Variants in LRRC14 observed in about 807,000 individuals in gnomAD.
LRRC14 encodes leucine-rich repeat-containing protein 14.
Under a neutral mutation model 25.3 loss-of-function variants are expected in LRRC14, and 16 were observed. That is an observed-to-expected ratio of 0.63 (90% CI 0.43 to 0.96). LRRC14 has a LOEUF of 0.96. Ranked by LOEUF, LRRC14 falls within the 40% of genes least tolerant of loss-of-function variation. The pLI is 0.00. For synonymous variants in LRRC14, 359 were observed against 295.1 expected (o/e 1.22, Z -2.22); for missense variants, 594 against 660.5 (o/e 0.90, Z 1.10).
chr8:144,522,691 T>G lies in LRRC14; in HGVS notation c.*1213T>G, dbSNP rs112652028. On this transcript the variant is annotated 3_prime_UTR_variant, in exon 4 of 4. Coordinates refer to ENST00000292524, the MANE Select transcript of LRRC14 (RefSeq NM_014665.4). ...CCAAGTAGTCGTTGACGAACAGCGC[T>G]CCCTCCCCCGGAGGCCCCCGCGCCT... is the stretch of plus-strand genomic sequence containing the variant. 4,154 of 1,595,710 alleles carry G rather than the reference T, an allele frequency of 2.6e-3. 85 individuals are homozygous for G. The African/African-American group carries it at 0.045, about 17-fold the overall frequency.
Position 144,519,827 on chromosome 8 carries a change from G to T in LRRC14, c.102G>T (p.Leu34=). The T allele has an allele frequency of 6.2e-7, 1 of 1,613,506 alleles. No homozygotes were observed. Among genetic ancestry groups the T allele is most frequent in the Non-Finnish European group, 8.5e-7 (1 of 1,180,012 alleles). Residue 34 remains leucine, a synonymous_variant, in exon 2 of 4, where the codon CTG becomes CTT. Transcript: ENST00000292524. ...TGCCACGCGAACTCTTCCCCCTGCT[G>T]TTCAAGGTGGCCTTCATGGACAAGA... ...PLLPRELFPL[L]FKVAFMDKKT...
Position 144,521,404 on chromosome 8 carries a change from G to A in LRRC14, c.1408G>A (p.Ala470Thr), listed in dbSNP as rs138625428. 1,128 of 1,611,324 alleles carry A rather than the reference G, an allele frequency of 7.0e-4. 2 individuals carry two copies. Among genetic ancestry groups the A allele is most frequent in the Middle Eastern group, 1.7e-3 (10 of 6,060 alleles). The change falls in exon 4 of 4, where the codon GCC (alanine) becomes ACC (threonine). Residue 470 changes from alanine (A) to threonine (T), a missense_variant. Transcript: ENST00000292524. Reference sequence around the variant, plus strand: ...AGCTGAGTTGCACCAGCTGCTTCTAGCCTCAGGCCGTGCCCATGTGCTCTG... The same window carrying A: ...AGCTGAGTTGCACCAGCTGCTTCTAACCTCAGGCCGTGCCCATGTGCTCTG... ...VEAELHQLLL[A>T]SGRAHVLWTT...
chr8:144,522,552 C>T lies in LRRC14; in HGVS notation c.*1074C>T, dbSNP rs768135497. 111 of 1,533,674 alleles carry T rather than the reference C, an allele frequency of 7.2e-5. No individual in the cohort carries two copies. Among genetic ancestry groups the T allele is most frequent in the Non-Finnish European group, 8.9e-5 (102 of 1,142,862 alleles). ...GCCCCCTGTTCCGGGCCGCAGTCAG[C>T]GGGCGCCTCCGCCGGACCCTCGGCG... is the stretch of plus-strand genomic sequence containing the variant. On this transcript the variant is annotated 3_prime_UTR_variant, in exon 4 of 4. Transcript: ENST00000292524.
Position 144,524,545 on chromosome 8 carries a change from C to T in LRRC14, c.*3067C>T, listed in dbSNP as rs1245780314. 6.3e-6 allele frequency: 10 copies of T among 1,582,410 alleles called. No homozygotes were observed. The highest frequency in any genetic ancestry group is 1.7e-6 in the Non-Finnish European group (2 of 1,172,776). On this transcript the variant is annotated 3_prime_UTR_variant, in exon 4 of 4. Transcript: ENST00000292524. ...CCTACGAAGGCGCCGCTGCGCAAGCCGCGCAGCCGGTTGCTAGTGAGCGCC... is the reference window on the plus strand; with the variant it reads ...CCTACGAAGGCGCCGCTGCGCAAGCTGCGCAGCCGGTTGCTAGTGAGCGCC...
In LRRC14 at chr8:144,525,116, T is replaced by G. The variant is rs2130799203; in HGVS notation, c.*3638T>G. 1.1e-6 allele frequency: 1 copy of G among 917,632 alleles called. No individual in the cohort carries two copies. Among genetic ancestry groups the G allele is most frequent in the Non-Finnish European group, 1.5e-6 (1 of 673,274 alleles). The allele number at this position is 917,632 out of a possible 1,614,324, so 56.8% of individuals were successfully genotyped here. On this transcript the variant is annotated 3_prime_UTR_variant, in exon 4 of 4. Transcript: ENST00000292524. ...TGGAGGCCTGCACCTGCGTCTAACTTTTGACGCTATAAATAGGTTCAAGAA... is the reference window on the plus strand; with the variant it reads ...TGGAGGCCTGCACCTGCGTCTAACTGTTGACGCTATAAATAGGTTCAAGAA...
chr8:144,523,006 C>G lies in LRRC14; in HGVS notation c.*1528C>G. 1.3e-6 allele frequency: 2 copies of G among 1,596,512 alleles called. No individual in the cohort carries two copies. Among genetic ancestry groups the G allele is most frequent in the Non-Finnish European group, 1.7e-6 (2 of 1,174,890 alleles). Reference sequence around the variant, plus strand: ...CGCACTCGTACTTACCGGCGTGCGCCAGCGTGATGTTGCTGAGGAAGAGCA... The same window carrying G: ...CGCACTCGTACTTACCGGCGTGCGCGAGCGTGATGTTGCTGAGGAAGAGCA... On this transcript the variant is annotated 3_prime_UTR_variant, in exon 4 of 4. Coordinates refer to ENST00000292524, the MANE Select transcript of LRRC14 (RefSeq NM_014665.4).
At position 144,523,848 on chromosome 8, in the gene LRRC14, C is replaced by T. The variant is rs949482904; in HGVS notation, c.*2370C>T. The T allele has an allele frequency of 4.0e-6, 2 of 494,204 alleles. No individual in the cohort carries two copies. Among genetic ancestry groups the T allele is most frequent in the Non-Finnish European group, 7.1e-6 (2 of 280,882 alleles). 30.6% of individuals were successfully genotyped at this position (494,204 alleles called of 1,614,324 possible). ...CTCCTTTGCAATTTTGTCTGCCTCCCCTCAGCCTAAAAGTGTGCAGAACCC... is the reference window on the plus strand; with the variant it reads ...CTCCTTTGCAATTTTGTCTGCCTCCTCTCAGCCTAAAAGTGTGCAGAACCC... On this transcript the variant is annotated 3_prime_UTR_variant, in exon 4 of 4. Transcript: ENST00000292524.
chr8:144,524,379 C>T lies in LRRC14; in HGVS notation c.*2901C>T, dbSNP rs1816267123. On this transcript the variant is annotated 3_prime_UTR_variant, in exon 4 of 4. Coordinates refer to ENST00000292524, the MANE Select transcript of LRRC14 (RefSeq NM_014665.4). ...ACTGGGTTGCCTTTTCTAACTATTC[C>T]AGCCCTACAGGGCGAGGGGCCATAA... 6.3e-7 allele frequency: 1 copy of T among 1,593,804 alleles called. No homozygotes were observed. The highest frequency in any genetic ancestry group is 1.3e-5 in the African/African-American group (1 of 74,718).
Position 144,524,678 on chromosome 8 carries a change from C to CG in LRRC14, c.*3202dup. 1.4e-6 allele frequency: 2 copies of CG among 1,475,056 alleles called. No individual in the cohort carries two copies. Among genetic ancestry groups the CG allele is most frequent in the Non-Finnish European group, 1.8e-6 (2 of 1,123,942 alleles). 91.4% of individuals were successfully genotyped at this position (1,475,056 alleles called of 1,614,324 possible). A position where few individuals can be genotyped will look rare whatever the true frequency, so the allele number is the denominator to read the frequency against. On this transcript the variant is annotated 3_prime_UTR_variant, in exon 4 of 4. Coordinates refer to ENST00000292524, the MANE Select transcript of LRRC14 (RefSeq NM_014665.4). The stretch of plus-strand genomic sequence containing the variant: ...GAGCGGCGAGTGGCGCCAGGGCTCC[C>CG]GGCTCTAGGCGGGCGATGTTGTTGT...
In LRRC14 at chr8:144,520,274, C is replaced by G; in HGVS notation, c.366C>G (p.Leu122=). ...HALRVLDMTG[L]LDDGVEQDPG... is the part of the protein sequence containing the mutation. Reference sequence around the variant, plus strand: ...TGCGGGTGCTGGACATGACGGGCCTCTTGGATGATGGTGTGGAACAGGATC... The same window carrying G: ...TGCGGGTGCTGGACATGACGGGCCTGTTGGATGATGGTGTGGAACAGGATC... Residue 122 remains leucine, a synonymous_variant, in exon 3 of 4, where the codon CTC becomes CTG. Transcript: ENST00000292524. The G allele has an allele frequency of 1.2e-6, 2 of 1,611,370 alleles. No individual in the cohort carries two copies. Among genetic ancestry groups the G allele is most frequent in the Non-Finnish European group, 1.7e-6 (2 of 1,179,984 alleles).
Position 144,520,760 on chromosome 8 carries a change from C to T in LRRC14, c.852C>T (p.Thr284=). Residue 284 remains threonine (T), a synonymous_variant, in exon 3 of 4, where the codon ACC becomes ACT. Coordinates refer to ENST00000292524, the MANE Select transcript of LRRC14 (RefSeq NM_014665.4). Reference sequence around the variant, plus strand: ...TCCTTGCCCAGATGGGCCGCTTCACCTGTCTGCGTGAGCTCAGCATGGGCT... The same window carrying T: ...TCCTTGCCCAGATGGGCCGCTTCACTTGTCTGCGTGAGCTCAGCATGGGCT... ...RYFLAQMGRF[T]CLRELSMGSS... 6.3e-7 allele frequency: 1 copy of T among 1,598,732 alleles called. No individual in the cohort carries two copies. The highest frequency in any genetic ancestry group is 8.5e-7 in the Non-Finnish European group (1 of 1,179,940).
Position 144,521,852 on chromosome 8 carries a change from G to A in LRRC14, c.*374G>A. On this transcript the variant is annotated 3_prime_UTR_variant, in exon 4 of 4. Coordinates refer to ENST00000292524, the MANE Select transcript of LRRC14 (RefSeq NM_014665.4). ...TCTGGGCCTTTCCTCTCCCTTTACT[G>A]AGAGCTCAGTGCTTCTGGGGTTGAA... 1 of 230,732 alleles carries A rather than the reference G, an allele frequency of 4.3e-6. No individual in the cohort carries two copies. Among genetic ancestry groups the A allele is most frequent in the Non-Finnish European group, 8.6e-6 (1 of 116,672 alleles). 14.3% of individuals were successfully genotyped at this position (230,732 alleles called of 1,614,324 possible). A position where few individuals can be genotyped will look rare whatever the true frequency, so the allele number is the denominator to read the frequency against.
Position 144,520,812 on chromosome 8 carries a change from C to T in LRRC14, c.904C>T (p.Gln302Ter). The change falls in exon 3 of 4, where the codon CAG (glutamine) becomes TAG (stop). Residue 302 changes from glutamine to a stop codon, truncating the protein, a stop_gained. Coordinates refer to ENST00000292524, the MANE Select transcript of LRRC14 (RefSeq NM_014665.4). LOFTEE classifies it low-confidence loss of function (END_TRUNC). ...GSSLLSGRLD[Q>*]LLSTLQSPLE... ...CTCTCTCCTTTCAGGGAGGCTGGAC[C>T]AGCTGCTCAGGTGAGCGGGCCCCAC... 1 of 1,596,984 alleles carries T rather than the reference C, an allele frequency of 6.3e-7. No individual in the cohort carries two copies. The highest frequency in any genetic ancestry group is 8.5e-7 in the Non-Finnish European group (1 of 1,178,740).
In LRRC14 at chr8:144,523,572, G is replaced by A; in HGVS notation, c.*2094G>A. The A allele has an allele frequency of 8.5e-7, 1 of 1,178,400 alleles. No individual in the cohort carries two copies. Among genetic ancestry groups the A allele is most frequent in the Non-Finnish European group, 1.1e-6 (1 of 906,476 alleles). The allele number at this position is 1,178,400 out of a possible 1,614,324, so 73.0% of individuals were successfully genotyped here. On this transcript the variant is annotated 3_prime_UTR_variant, in exon 4 of 4. Transcript: ENST00000292524. The stretch of plus-strand genomic sequence containing the variant: ...CCCCTTCCTTGACCCCAAGCTCCTT[G>A]GGGCGGCAGGCCCTTCACCCTCGCC...
chr8:144,520,442 T>G lies in LRRC14; in HGVS notation c.534T>G (p.Tyr178Ter). 1 of 1,598,656 alleles carries G rather than the reference T, an allele frequency of 6.3e-7. No individual in the cohort carries two copies. The highest frequency in any genetic ancestry group is 8.5e-7 in the Non-Finnish European group (1 of 1,175,608). ...RVDLRVNRAS[Y>*]AFLREALRSS... is the part of the protein sequence containing the mutation. ...ACCTGCGGGTGAACCGGGCCTCCTA[T>G]GCGTTCCTGCGGGAGGCACTCCGAA... The change falls in exon 3 of 4, where the codon TAT (tyrosine) becomes TAG (stop). Residue 178 changes from tyrosine to a stop codon, truncating the protein, a stop_gained. Transcript: ENST00000292524. LOFTEE classifies it high-confidence loss of function.
Position 144,524,893 on chromosome 8 carries a change from G to C in LRRC14, c.*3415G>C. On this transcript the variant is annotated 3_prime_UTR_variant, in exon 4 of 4. Coordinates refer to ENST00000292524, the MANE Select transcript of LRRC14 (RefSeq NM_014665.4). ...CACTCCACCGTGGCGCTGTAGCAGC[G>C]GCAGGCTGCTGGGCAGCCGGCGGCG... The C allele has an allele frequency of 1.3e-6, 2 of 1,515,080 alleles. No individual in the cohort carries two copies. Among genetic ancestry groups the C allele is most frequent in the South Asian group, 1.2e-5 (1 of 82,802 alleles). 93.9% of individuals were successfully genotyped at this position (1,515,080 alleles called of 1,614,324 possible).
chr8:144,522,334 G>A lies in LRRC14; in HGVS notation c.*856G>A. 8.0e-7 allele frequency: 1 copy of A among 1,256,312 alleles called. No individual in the cohort carries two copies. The highest frequency in any genetic ancestry group is 1.0e-6 in the Non-Finnish European group (1 of 976,530). 77.8% of individuals were successfully genotyped at this position (1,256,312 alleles called of 1,614,324 possible). On this transcript the variant is annotated 3_prime_UTR_variant, in exon 4 of 4. Coordinates refer to ENST00000292524, the MANE Select transcript of LRRC14 (RefSeq NM_014665.4). Reference sequence around the variant, plus strand: ...CGGCCACCTTCCATTGCTACCCCAGGATTCCCGAGTGCAACGTTCCCGGCT... The same window carrying A: ...CGGCCACCTTCCATTGCTACCCCAGAATTCCCGAGTGCAACGTTCCCGGCT...
Position 144,522,553 on chromosome 8 carries a change from G to C in LRRC14, c.*1075G>C. ...CCCCCTGTTCCGGGCCGCAGTCAGC[G>C]GGCGCCTCCGCCGGACCCTCGGCGA... On this transcript the variant is annotated 3_prime_UTR_variant, in exon 4 of 4. Coordinates refer to ENST00000292524, the MANE Select transcript of LRRC14 (RefSeq NM_014665.4). 4 of 1,536,460 alleles carry C rather than the reference G, an allele frequency of 2.6e-6. No individual in the cohort carries two copies. The highest frequency in any genetic ancestry group is 3.5e-6 in the Non-Finnish European group (4 of 1,144,106).
Position 144,523,136 on chromosome 8 carries a change from C to T in LRRC14, c.*1658C>T. On this transcript the variant is annotated 3_prime_UTR_variant, in exon 4 of 4. Transcript: ENST00000292524. ...GCCCTCGCGAGGCTGGGGCACCTTT[C>T]TCCAGGTCACCAATGGCTGCGGGTA... 2 of 1,610,768 alleles carry T rather than the reference C, an allele frequency of 1.2e-6. No homozygotes were observed. Among genetic ancestry groups the T allele is most frequent in the Non-Finnish European group, 1.7e-6 (2 of 1,179,508 alleles).
Sources: gnomAD v4.1 joint callset for allele counts on GRCh38, gnomAD v4.1.1 for gene constraint, MANE v1.5 for transcripts, NCBI Gene and HGNC (gene_info 2026-07-23, HGNC 2026-07-21) for gene names.